Variants in SEL1L3 observed in about 807,000 individuals in gnomAD.
SEL1L3 encodes SEL1L family member 3.
In SEL1L3, 76 loss-of-function variants were observed where a neutral mutation model predicts 142.8. The observed-to-expected ratio is 0.53, with a 90% confidence interval of 0.44 to 0.64. SEL1L3 has a LOEUF of 0.64. Ranked by LOEUF, SEL1L3 falls within the 30% of genes least tolerant of loss-of-function variation. SEL1L3 has a pLI of 0.00. For missense variants in SEL1L3, 1,262 were observed against 1,381.7 expected (o/e 0.91, Z 1.37); for synonymous variants, 504 against 519.6 (o/e 0.97, Z 0.41).
chr4:25,810,790 C>T (rs1372889166), intron 9 of SEL1L3, among the ~76,000 whole-genome samples: 1 of 152,178 alleles, frequency 6.6e-6, no homozygotes, highest in Non-Finnish European at 1.5e-5. Context: ...GCAAGAAAAT[C>T]AGGATGCAGA....
chr4:25,798,721 G>A (rs549533233), intron 11 of SEL1L3, among the ~76,000 whole-genome samples: 5 of 152,310 alleles, frequency 3.3e-5, no homozygotes, highest in South Asian at 4.2e-4. Flanking sequence ...CCAGCTACTC[G>A]GGAGGCTGAG....
intron 13 of SEL1L3, among the ~76,000 whole-genome samples, chr4:25,787,961 G>A (rs145100322): frequency 7.3e-4 from 111 of 152,316 alleles, no homozygotes; most frequent in African/African-American, 2.4e-3. Flanking sequence ...AATAAAATAC[G>A]GGTGTCTCCT....
intron 3 of SEL1L3, among the ~76,000 whole-genome samples, chr4:25,834,159 T>A (rs904369715): frequency 3.9e-5 from 6 of 152,212 alleles, no homozygotes; most frequent in Admixed American, 3.3e-4. Context: ...AATCTAATTA[T>A]CCCATTCCTG....
intron 9 of SEL1L3, 55 bp from the exon 10 acceptor site, chr4:25,804,807 G>C: frequency 7.4e-7 from 1 of 1,345,792 alleles, no homozygotes; most frequent in Non-Finnish European, 1.1e-6. Flanking sequence ...GATCGATGTG[G>C]CTTTAGAAAA....
chr4:25,833,443 C>T lies in SEL1L3; in HGVS notation c.982+5G>A, dbSNP rs1030593771. 4.3e-6 allele frequency: 7 copies of T among 1,609,938 alleles called. No homozygotes were observed. Among genetic ancestry groups the T allele is most frequent in the Non-Finnish European group, 5.9e-6 (7 of 1,177,984 alleles). On this transcript the variant is annotated splice_donor_5th_base_variant and intron_variant, in intron 4 of 23. Transcript: ENST00000399878. Reference sequence around the variant, plus strand: ...ATCATTTTAAAGGTTCTGTTTTATACTCACCCTCTTCCGTAAGAAATACAG... The same window carrying T: ...ATCATTTTAAAGGTTCTGTTTTATATTCACCCTCTTCCGTAAGAAATACAG...
intron 1 of SEL1L3, among the ~76,000 whole-genome samples, chr4:25,851,061 G>C (rs1158057185): frequency 6.6e-6 from 1 of 152,082 alleles, no homozygotes; most frequent in Non-Finnish European, 1.5e-5. Flanking sequence ...ATGTTGGCCA[G>C]GCTGGTCTCG....
intron 6 of SEL1L3, among the ~76,000 whole-genome samples, chr4:25,829,508 C>G (rs944175022): frequency 6.6e-6 from 1 of 152,024 alleles, no homozygotes; most frequent in Non-Finnish European, 1.5e-5. Flanking sequence ...GAAGGTTGCC[C>G]CATGGTTCTG....
chr4:25,752,008 C>G (rs1264123384), intron 23 of SEL1L3, among the ~76,000 whole-genome samples: 1 of 150,302 alleles, frequency 6.7e-6, no homozygotes, highest in Non-Finnish European at 1.5e-5. Context: ...ACTCAGGAGG[C>G]TGAGGCAGGA....
At chr4:25,845,924 T>C (rs1033745848) in intron 2 of SEL1L3, among the ~76,000 whole-genome samples, 1 of 152,064 alleles carries the variant, frequency 6.6e-6, no homozygotes, top group Non-Finnish European at 1.5e-5. Flanking sequence ...AGTTTTAGGG[T>C]GCATTAGAGT....
At chr4:25,807,923 C>G (rs1713713481) in intron 9 of SEL1L3, among the ~76,000 whole-genome samples, 1 of 152,094 alleles carries the variant, frequency 6.6e-6, no homozygotes, top group Non-Finnish European at 1.5e-5. Flanking sequence ...AAACTCCCCC[C>G]AAAATATAAC....
the SEL1L3 span, chr4:25,718,255 G>C: frequency 6.6e-6 from 1 of 152,272 alleles, no homozygotes; most frequent in Non-Finnish European, 1.5e-5. Flanking sequence ...GCTGTAATTA[G>C]TATATTAAGT....
At chr4:25,799,867 C>G (rs898010523) in intron 11 of SEL1L3, among the ~76,000 whole-genome samples, 2 of 152,098 alleles carry the variant, frequency 1.3e-5, no homozygotes, top group African/African-American at 2.4e-5. Context: ...CAGCTGAAAC[C>G]AGAGGTGTAG....
In SEL1L3 at chr4:25,782,280, A is replaced by G; in HGVS notation, c.2419T>C (p.Leu807=). The change falls in exon 15 of 24, where the codon TTG becomes CTG. Residue 807 remains leucine, a synonymous_variant. Transcript: ENST00000399878. ...DASYNLGVLH[L]DGIFPGVPGR... is the part of the protein sequence containing the mutation. Reference sequence around the variant, plus strand: ...GGAACTCCAGGGAAGATGCCATCCAAATGCAGGACTCCAAGATTGTATGAC... The same window carrying G: ...GGAACTCCAGGGAAGATGCCATCCAGATGCAGGACTCCAAGATTGTATGAC... The G allele has an allele frequency of 6.2e-7, 1 of 1,613,822 alleles. No homozygotes were observed. The highest frequency in any genetic ancestry group is 8.5e-7 in the Non-Finnish European group (1 of 1,179,796).
chr4:25,714,451 G>A, the SEL1L3 span, among the ~76,000 whole-genome samples: 1 of 151,894 alleles, frequency 6.6e-6, no homozygotes, highest in South Asian at 2.1e-4. Context: ...AGCTACTTAT[G>A]TATATGGACA....
At position 25,748,511 on chromosome 4, in the gene SEL1L3, T is replaced by C. The variant is rs1338314153; in HGVS notation, c.3313A>G (p.Thr1105Ala). Residue 1105 changes from threonine (T) to alanine (A), a missense_variant, in exon 24 of 24, where the codon ACT becomes GCT. Coordinates refer to ENST00000399878, the MANE Select transcript of SEL1L3 (RefSeq NM_015187.5). Reference sequence around the variant, plus strand: ...GCTGGAGTCACAGCTGGACTTGCAGTGGACGTGGCAGTGTCTGGGGAGGCC... The same window carrying C: ...GCTGGAGTCACAGCTGGACTTGCAGCGGACGTGGCAGTGTCTGGGGAGGCC... ...SQASPDTATS[T>A]ASPAVTPAAD... The C allele has an allele frequency of 6.2e-7, 1 of 1,612,076 alleles. No homozygotes were observed.
chr4:25,827,464 G>A (rs183408111), intron 6 of SEL1L3, among the ~76,000 whole-genome samples: 2 of 152,208 alleles, frequency 1.3e-5, no homozygotes, highest in African/African-American at 4.8e-5. Context: ...GAGACCGGGA[G>A]CAAATCTGTC....
At chr4:25,795,131 G>A (rs959022514) in intron 11 of SEL1L3, among the ~76,000 whole-genome samples, 2 of 152,000 alleles carry the variant, frequency 1.3e-5, no homozygotes, top group African/African-American at 4.8e-5. Context: ...TGAGTTGATA[G>A]GTGCAGCAAA....
At chr4:25,785,242 C>A (rs1711704916) in intron 13 of SEL1L3, among the ~76,000 whole-genome samples, 1 of 152,184 alleles carries the variant, frequency 6.6e-6, no homozygotes, top group South Asian at 2.1e-4. Flanking sequence ...TAAATGGAAA[C>A]AGCGCTAGTT....
At chr4:25,854,959 G>C (rs1448741838) in intron 1 of SEL1L3, among the ~76,000 whole-genome samples, 2 of 152,202 alleles carry the variant, frequency 1.3e-5, no homozygotes, top group Non-Finnish European at 2.9e-5. Flanking sequence ...GGGTGTGTTG[G>C]CCCCAAAGAG....
Sources: gnomAD v4.1 joint callset for allele counts (sites outside exome capture counted in the v4.1 genomes callset) on GRCh38, gnomAD v4.1.1 for gene constraint, MANE v1.5 for transcripts, NCBI Gene and HGNC (gene_info 2026-07-23, HGNC 2026-07-21) for gene names.